The following SKI variants were observed in gnomAD, a reference collection of about 807,000 sequenced individuals.
SKI encodes the protein SKI proto-oncogene, also known as ski oncogene.
In SKI, 23 loss-of-function variants were observed where a neutral mutation model predicts 59.3. The observed-to-expected ratio is 0.39, with a 90% CI of 0.28 to 0.55. The LOEUF is 0.55. Ranked by LOEUF, SKI falls within the 20% of genes least tolerant of loss-of-function variation. SKI has a pLI of 0.67. For synonymous variants in SKI, 673 were observed against 488.6 expected (o/e 1.38, Z -4.98); for missense variants, 1,017 against 1,038.9 (o/e 0.98, Z 0.29).
chr1:2,275,702 C>T (rs1309297135), intron 1 of SKI, among the ~76,000 whole-genome samples: 5 of 152,158 alleles, frequency 3.3e-5, no homozygotes, highest in Admixed American at 6.5e-5. Flanking sequence ...TTAGTAGAGA[C>T]GGGGTTTCAC....
chr1:2,306,256 C>T lies in SKI; in HGVS notation c.1998+6C>T, dbSNP rs1265118842. 3.2e-6 allele frequency: 5 copies of T among 1,546,412 alleles called. No homozygotes were observed. The highest frequency in any genetic ancestry group is 2.4e-5 in the South Asian group (2 of 84,060). ...GCGCCAAGTACTCGGCCCAGGTATG[C>T]GGGTGGGGAGACTGAGGCACGCAGC... On this transcript the variant is annotated splice_donor_region_variant and intron_variant, in intron 6 of 6. Transcript: ENST00000378536.
chr1:2,237,265 C>T (rs371105036), intron 1 of SKI, among the ~76,000 whole-genome samples: 10 of 152,160 alleles, frequency 6.6e-5, no homozygotes, highest in African/African-American at 1.9e-4. Flanking sequence ...AGGTGTCCAG[C>T]GGTGCTGGCG....
At position 2,280,614 on chromosome 1, in the gene SKI, G is replaced by A. The variant is rs538038495; in HGVS notation, c.970-22364G>A. Among the ~76,000 whole-genome samples, 17 of 146,166 alleles carry A rather than the reference G, an allele frequency of 1.2e-4. No individual in the cohort carries two copies. The East Asian group carries it at 1.9e-3, about 16-fold the overall frequency. ...GGCGATCTTCAGAGAGAAGATGCCC[G>A]AGAAGACAGGCGGCGGCGGCGATCT... On this transcript the variant is annotated intron_variant, in intron 1 of 6. Transcript: ENST00000378536.
chr1:2,244,975 A>G (rs1324083234), intron 1 of SKI, among the ~76,000 whole-genome samples: 2 of 152,236 alleles, frequency 1.3e-5, no homozygotes, highest in Non-Finnish European at 1.5e-5. Flanking sequence ...TGGAAGATCT[A>G]ACAATAATAT....
intron 1 of SKI, among the ~76,000 whole-genome samples, chr1:2,262,724 GT>G (rs201672395): frequency 6.6e-6 from 1 of 151,152 alleles, no homozygotes; most frequent in South Asian, 2.1e-4. Flanking sequence ...TTTGTCAGGT[GT>G]TTTTTTTTCT....
At chr1:2,274,208 T>A (rs369167712) in intron 1 of SKI, among the ~76,000 whole-genome samples, 23 of 152,268 alleles carry the variant, frequency 1.5e-4, no homozygotes, top group African/African-American at 5.3e-4. Flanking sequence ...TCATGTGCTT[T>A]GCCTGCTTTC....
At chr1:2,266,190 C>T (rs1240184983) in intron 1 of SKI, among the ~76,000 whole-genome samples, 1 of 152,052 alleles carries the variant, frequency 6.6e-6, no homozygotes, top group Non-Finnish European at 1.5e-5. Flanking sequence ...TCCTGTCTGT[C>T]GGGTGGAGAC....
chr1:2,262,606 GGCACCGTC>G (rs760500712), intron 1 of SKI, among the ~76,000 whole-genome samples: 10 of 152,212 alleles, frequency 6.6e-5, no homozygotes, highest in Non-Finnish European at 1.2e-4. Flanking sequence ...ATCTGGATTT[GGCACCGTC>G]GAGTGTGATG....
At chr1:2,248,096 G>C (rs1639039276) in intron 1 of SKI, 1 of 152,302 alleles carries the variant, frequency 6.6e-6, no homozygotes, top group African/African-American at 2.4e-5. Context: ...GGACCCTGGT[G>C]CTTTTGGGGA....
At chr1:2,255,212 T>C (rs1464825976) in intron 1 of SKI, among the ~76,000 whole-genome samples, 1 of 152,182 alleles carries the variant, frequency 6.6e-6, no homozygotes, top group Non-Finnish European at 1.5e-5. Context: ...CATAGTCTTC[T>C]GTTGACCCCA....
chr1:2,304,410 C>T lies in SKI; in HGVS notation c.1592C>T (p.Pro531Leu), dbSNP rs754831139. 6.4e-7 allele frequency: 1 copy of T among 1,553,896 alleles called. No homozygotes were observed. Among genetic ancestry groups the T allele is most frequent in the Non-Finnish European group, 8.7e-7 (1 of 1,148,952 alleles). Residue 531 changes from proline (P) to leucine (L), a missense_variant, in exon 5 of 7, where the codon CCT becomes CTT. Coordinates refer to ENST00000378536, the MANE Select transcript of SKI (RefSeq NM_003036.4). ...TCGGCCGTCCCTGATGCTGCGGCCC[C>T]TGCCGACGCCCCCAGTGGGCTGGAG... ...LPSAVPDAAA[P>L]ADAPSGLEAE...
intron 1 of SKI, among the ~76,000 whole-genome samples, chr1:2,250,775 C>T (rs1445363833): frequency 2.0e-5 from 3 of 152,266 alleles, no homozygotes; most frequent in Non-Finnish European, 4.4e-5. Flanking sequence ...TTACTTCTGC[C>T]TGGGACCTGC....
At chr1:2,291,515 C>T (rs765024263) in intron 1 of SKI, among the ~76,000 whole-genome samples, 7 of 152,244 alleles carry the variant, frequency 4.6e-5, no homozygotes, top group South Asian at 2.1e-4. Flanking sequence ...CGCCTCAGAC[C>T]GAGGTCCCAG....
chr1:2,229,836 T>A lies in SKI; in HGVS notation c.969+101T>A. 1 of 1,534,114 alleles carries A rather than the reference T, an allele frequency of 6.5e-7. No individual in the cohort carries two copies. Among genetic ancestry groups the A allele is most frequent in the Non-Finnish European group, 8.8e-7 (1 of 1,136,706 alleles). ...CTCCGAAGGCTGGGACCTGTGCTTC[T>A]GCCGTGCCCCATGTCTCCAGTCTTC... On this transcript the variant is annotated intron_variant, in intron 1 of 6. Coordinates refer to ENST00000378536, the MANE Select transcript of SKI (RefSeq NM_003036.4). This position sits in a 1 kb window ranked among gnomAD's most constrained non-coding sequence, Gnocchi z 6.3.
chr1:2,238,974 G>A (rs935546073), intron 1 of SKI, among the ~76,000 whole-genome samples: 2 of 152,166 alleles, frequency 1.3e-5, no homozygotes, highest in Admixed American at 6.5e-5. Context: ...GTGGGGACCC[G>A]GCCTGGCATG....
At chr1:2,274,752 G>C (rs1639704027) in intron 1 of SKI, among the ~76,000 whole-genome samples, 1 of 152,212 alleles carries the variant, frequency 6.6e-6, no homozygotes. Flanking sequence ...GACCCTAGGA[G>C]AATAGCAGCC....
intron 1 of SKI, among the ~76,000 whole-genome samples, chr1:2,294,813 TG>T (rs1396018408): frequency 2.0e-5 from 3 of 152,154 alleles, no homozygotes; most frequent in African/African-American, 7.2e-5. Flanking sequence ...GCACCTGGGC[TG>T]GGGTCTGCGC....
At chr1:2,286,239 C>G (rs991098373) in intron 1 of SKI, among the ~76,000 whole-genome samples, 1 of 152,206 alleles carries the variant, frequency 6.6e-6, no homozygotes. Context: ...CAGTGGCTCA[C>G]TCCTGTCATT....
intron 1 of SKI, among the ~76,000 whole-genome samples, chr1:2,254,759 G>C (rs915624811): frequency 1.3e-5 from 2 of 152,118 alleles, no homozygotes; most frequent in African/African-American, 4.8e-5. Flanking sequence ...TGATGCGCAG[G>C]GCATTTGCTG....
Sources: gnomAD v4.1 joint callset for allele counts (sites outside exome capture counted in the v4.1 genomes callset) on GRCh38, gnomAD v4.1.1 for gene constraint, Gnocchi (gnomAD v3.1) non-coding constraint, MANE v1.5 for transcripts, NCBI Gene and HGNC (gene_info 2026-07-23, HGNC 2026-07-21) for gene names.